SFI1: variants seen among roughly 807,000 people sequenced by gnomAD.
SFI1 encodes the protein SFI1 centrin binding protein.
In SFI1, 195 loss-of-function variants were observed where a neutral mutation model predicts 207.5. The observed-to-expected ratio is 0.94, with a 90% CI of 0.84 to 1.06. The LOEUF is 1.06. Among genes scored for constraint, SFI1 ranks in the 50% least tolerant of loss-of-function variants. SFI1 has a pLI of 0.00. For synonymous variants in SFI1, 630 were observed against 598.9 expected, an observed-to-expected ratio of 1.05 and a Z score of -0.76; for missense variants, 1,634 against 1,588.0, an observed-to-expected ratio of 1.03 and a Z score of -0.49.
intron 4 of SFI1, among the ~76,000 whole-genome samples, chr22:31,540,643 T>C (rs1467743304): frequency 6.6e-6 from 1 of 151,466 alleles, no homozygotes; most frequent in African/African-American, 2.4e-5. Context: ...TGCAATGGCA[T>C]GATCTCGGCT....
chr22:31,524,675 A>T (rs1440683476), intron 2 of SFI1, among the ~76,000 whole-genome samples: 1 of 146,552 alleles, frequency 6.8e-6, no homozygotes, highest in Non-Finnish European at 1.5e-5. Flanking sequence ...TCAGCTTCCC[A>T]AAGTTGCCCC....
intron 1 of SFI1, among the ~76,000 whole-genome samples, chr22:31,507,632 C>A (rs2054836613): frequency 6.6e-6 from 1 of 152,172 alleles, no homozygotes; most frequent in African/African-American, 2.4e-5. Flanking sequence ...GGTCTAACAT[C>A]TAGCATTTAC....
chr22:31,561,269 C>T lies in SFI1; in HGVS notation c.663-21C>T, dbSNP rs760556780. 5.6e-6 allele frequency: 9 copies of T among 1,609,888 alleles called. No individual in the cohort carries two copies. The South Asian group carries it at 7.7e-5, about 14-fold the overall frequency. On this transcript the variant is annotated intron_variant, in intron 7 of 32. Transcript: ENST00000400288. ...GTGGCTTTTTACTGATGGATTCCATCTTTGATTTGCTGTTTCACAGGGTGT... is the reference window on the plus strand; with the variant it reads ...GTGGCTTTTTACTGATGGATTCCATTTTTGATTTGCTGTTTCACAGGGTGT...
intron 20 of SFI1, 115 bp from the exon 21 acceptor site, chr22:31,606,207 CATTCTT>C: frequency 1.2e-6 from 1 of 820,952 alleles, no homozygotes; most frequent in Non-Finnish European, 2.0e-6. Flanking sequence ...GTGAAACAGA[CATTCTT>C]AGGTGTAGAG....
chr22:31,582,483 C>G (rs1405546246), intron 12 of SFI1, among the ~76,000 whole-genome samples: 2 of 151,154 alleles, frequency 1.3e-5, no homozygotes, highest in African/African-American at 4.9e-5. Context: ...AACTCCTGAC[C>G]TTTGGTGATC....
At chr22:31,606,689 TTTTC>T in intron 21 of SFI1, 1 of 266,574 alleles carries the variant, frequency 3.8e-6, no homozygotes, top group African/African-American at 2.6e-5. Context: ...TATTTTCTTT[TTTTC>T]TTTTTTTTTT....
chr22:31,499,062 T>G (rs952431084), intron 1 of SFI1, among the ~76,000 whole-genome samples: 1 of 151,934 alleles, frequency 6.6e-6, no homozygotes, highest in Non-Finnish European at 1.5e-5. Flanking sequence ...CAGGCTGGAG[T>G]GCAGTGGTGA....
intron 2 of SFI1, among the ~76,000 whole-genome samples, chr22:31,514,753 T>C (rs1443519080): frequency 1.3e-5 from 2 of 151,834 alleles, no homozygotes. Context: ...ATTCATGTTG[T>C]CGAAAACGAC....
chr22:31,511,493 G>A (rs1211927173), intron 2 of SFI1, among the ~76,000 whole-genome samples: 1 of 128,920 alleles, frequency 7.8e-6, no homozygotes, highest in Non-Finnish European at 1.6e-5. Context: ...TTTTGAGATG[G>A]AGTTCTGCTC....
intron 1 of SFI1, among the ~76,000 whole-genome samples, chr22:31,505,710 C>A (rs1011415518): frequency 6.6e-6 from 1 of 151,140 alleles, no homozygotes; most frequent in Non-Finnish European, 1.5e-5. Flanking sequence ...TATAGCAAGA[C>A]CCTGTCTCTA....
intron 6 of SFI1, among the ~76,000 whole-genome samples, chr22:31,552,159 CT>C (rs1305687260): frequency 6.6e-6 from 1 of 152,154 alleles, no homozygotes; most frequent in African/African-American, 2.4e-5. Flanking sequence ...AGTTAGTTCA[CT>C]TAGGATAATG....
intron 3 of SFI1, among the ~76,000 whole-genome samples, chr22:31,529,504 C>T (rs185950093): frequency 1.3e-5 from 2 of 152,246 alleles, no homozygotes; most frequent in Non-Finnish European, 2.9e-5. Context: ...CCAGCCTGGG[C>T]GAGAGTGAGA....
intron 27 of SFI1, 58 bp downstream of exon 27, chr22:31,613,913 C>T: frequency 6.6e-7 from 1 of 1,514,988 alleles, no homozygotes; most frequent in Non-Finnish European, 8.8e-7. Flanking sequence ...GGTTGGATGG[C>T]ATAGCAGGGA....
At chr22:31,611,090 G>A (rs1471620013) in intron 22 of SFI1, 53 bp from the exon 23 acceptor site, 2 of 1,609,176 alleles carry the variant, frequency 1.2e-6, no homozygotes, top group Non-Finnish European at 1.7e-6. Flanking sequence ...CCATTATGTA[G>A]TCACTGGTGG....
At chr22:31,517,482 A>G (rs984162318) in intron 2 of SFI1, among the ~76,000 whole-genome samples, 65 of 151,824 alleles carry the variant, frequency 4.3e-4, no homozygotes, top group Non-Finnish European at 7.5e-4. Context: ...TCTTCGGCTC[A>G]AGCAATTCGC....
chr22:31,616,445 G>C, intron 29 of SFI1: 1 of 344,164 alleles, frequency 2.9e-6, no homozygotes, highest in Non-Finnish European at 5.3e-6. Context: ...GGGGGTGGAG[G>C]GTTGGGTAAG....
In SFI1 at chr22:31,557,011, T is replaced by C. The variant is rs149464385; in HGVS notation, c.614T>C (p.Leu205Pro). 129 of 1,612,470 alleles carry C rather than the reference T, an allele frequency of 8.0e-5. 1 individual carries two copies. The East Asian group carries it at 2.8e-3, about 35-fold the overall frequency. Residue 205 changes from leucine to proline, a missense_variant, in exon 7 of 33, where the codon CTT (leucine) becomes CCT (proline). Coordinates refer to ENST00000400288, the MANE Select transcript of SFI1 (RefSeq NM_001007467.3). ...TACGTGGTTGTTCGTAGGACCAAAC[T>C]TCAGATGCAGACTACAGCTCTGGAG... ...LIYVVVRRTK[L>P]QMQTTALEFR...
intron 8 of SFI1, 122 bp downstream of exon 8, chr22:31,561,514 A>G: frequency 1.3e-6 from 1 of 762,846 alleles, no homozygotes. Flanking sequence ...GGACAGAGGT[A>G]ATCTGGAAGG....
At chr22:31,532,831 G>A (rs151288815) in intron 4 of SFI1, among the ~76,000 whole-genome samples, 4 of 152,298 alleles carry the variant, frequency 2.6e-5, no homozygotes, top group African/African-American at 9.6e-5. Flanking sequence ...GCCACTGAGC[G>A]AGGAGGTAGG....
Sources: gnomAD v4.1 joint callset for allele counts (sites outside exome capture counted in the v4.1 genomes callset) on GRCh38, gnomAD v4.1.1 for gene constraint, MANE v1.5 for transcripts, NCBI Gene and HGNC (gene_info 2026-07-23, HGNC 2026-07-21) for gene names.